Variants in ULK4 observed in about 807,000 individuals in gnomAD.
ULK4 encodes inactive serine/threonine-protein kinase ULK4.
ULK4 carries 133 observed loss-of-function variants against 160.6 expected under a neutral mutation model. The observed-to-expected ratio is 0.83, with a 90% confidence interval of 0.72 to 0.96. ULK4 has a LOEUF of 0.96. Ranked by LOEUF, ULK4 falls within the 40% of genes least tolerant of loss-of-function variation. The probability of loss-of-function intolerance (pLI) is 0.00; values close to 1 mark genes in which losing one functional copy is unlikely to be tolerated. For missense variants in ULK4, 1,580 were observed against 1,499.5 expected, an observed-to-expected ratio of 1.05 and a Z score of -0.89; for synonymous variants, 534 against 539.8, an observed-to-expected ratio of 0.99 and a Z score of 0.15.
At chr3:41,353,231 A>C (rs2080947308) in intron 35 of ULK4, among the ~76,000 whole-genome samples, 1 of 152,242 alleles carries the variant, frequency 6.6e-6, no homozygotes, top group African/African-American at 2.4e-5. Context: ...TAGAACAAGC[A>C]GGAACTGATT....
In ULK4 at chr3:41,271,283, T is replaced by C. The variant is rs1240202398; in HGVS notation, c.3679-21709A>G. Among the ~76,000 whole-genome samples the C allele has an allele frequency of 2.0e-5, 3 of 152,296 alleles. No homozygotes were observed. In the East Asian group the frequency reaches 5.8e-4, roughly 29 times the overall value. ...CTGTCGTCATATGCTACTTTGCATA[T>C]CCTAAAACTTTATATAAATGGAATC... On this transcript the variant is annotated intron_variant, in intron 35 of 36. Transcript: ENST00000301831.
At chr3:41,833,203 T>A (rs2041647746) in intron 18 of ULK4, among the ~76,000 whole-genome samples, 1 of 152,110 alleles carries the variant, frequency 6.6e-6, no homozygotes, top group Non-Finnish European at 1.5e-5. Context: ...CTCTCTTATT[T>A]CCTTGAGCAA....
chr3:41,389,583 G>T (rs151235180), intron 35 of ULK4, among the ~76,000 whole-genome samples: 51 of 152,194 alleles, frequency 3.4e-4, no homozygotes, highest in Middle Eastern at 3.4e-3. Context: ...TAGCATGAAG[G>T]GTTGTTGAAT....
intron 30 of ULK4, among the ~76,000 whole-genome samples, chr3:41,649,833 C>A (rs2125737318): frequency 6.6e-6 from 1 of 152,358 alleles, no homozygotes; most frequent in East Asian, 1.9e-4. Flanking sequence ...CAGGGATAGC[C>A]TGAAGCCTGG....
chr3:41,723,219 A>G (rs543511378), intron 22 of ULK4, among the ~76,000 whole-genome samples: 2 of 152,064 alleles, frequency 1.3e-5, no homozygotes, highest in Non-Finnish European at 2.9e-5. Flanking sequence ...TGAAGGGAAA[A>G]GAGGAATTAT....
intron 27 of ULK4, among the ~76,000 whole-genome samples, chr3:41,694,699 T>C (rs1337974083): frequency 1.3e-5 from 2 of 152,208 alleles, no homozygotes; most frequent in Non-Finnish European, 2.9e-5. Context: ...CCTTAAATCA[T>C]CTCTAGGTGA....
intron 22 of ULK4, among the ~76,000 whole-genome samples, chr3:41,742,819 C>T (rs746242854): frequency 1.7e-4 from 25 of 151,312 alleles, no homozygotes; most frequent in African/African-American, 2.9e-4. Flanking sequence ...ATACAATAAC[C>T]GAAATAAAAA....
chr3:41,645,835 T>C (rs979023488), intron 30 of ULK4, among the ~76,000 whole-genome samples: 10 of 152,192 alleles, frequency 6.6e-5, no homozygotes, highest in African/African-American at 2.4e-4. Context: ...CTAAGTCTCT[T>C]TGTAGGTCAC....
intron 30 of ULK4, among the ~76,000 whole-genome samples, chr3:41,634,103 G>A (rs948040467): frequency 1.3e-5 from 2 of 152,244 alleles, no homozygotes; most frequent in Non-Finnish European, 2.9e-5. Context: ...GAGCTGGGAT[G>A]TGGCTGTTTA....
chr3:41,528,480 C>G (rs1434637183), intron 32 of ULK4, among the ~76,000 whole-genome samples: 2 of 151,994 alleles, frequency 1.3e-5, no homozygotes, highest in African/African-American at 4.8e-5. Flanking sequence ...ATCTCAAAAG[C>G]CTCAAAAAAT....
intron 19 of ULK4, among the ~76,000 whole-genome samples, chr3:41,802,606 C>A (rs1340320049): frequency 6.6e-6 from 1 of 152,064 alleles, no homozygotes; most frequent in Non-Finnish European, 1.5e-5. Context: ...GCCAAGCATA[C>A]CTGTTTAAAC....
chr3:41,259,083 G>GAT (rs911987763), intron 35 of ULK4, among the ~76,000 whole-genome samples: 3 of 144,170 alleles, frequency 2.1e-5, no homozygotes, highest in East Asian at 2.0e-4. Context: ...TACATCTGAT[G>GAT]ATATATATAC....
intron 31 of ULK4, among the ~76,000 whole-genome samples, chr3:41,597,691 C>A (rs1032184175): frequency 6.6e-6 from 1 of 152,118 alleles, no homozygotes; most frequent in East Asian, 1.9e-4. Flanking sequence ...GACAGCACTG[C>A]CCACAGGTAA....
chr3:41,772,807 T>G (rs1047401504), intron 21 of ULK4, among the ~76,000 whole-genome samples: 1 of 152,176 alleles, frequency 6.6e-6, no homozygotes, highest in African/African-American at 2.4e-5. Context: ...TGAACACTGA[T>G]GCAAAAATCC....
intron 31 of ULK4, among the ~76,000 whole-genome samples, chr3:41,578,394 C>T (rs1434532036): frequency 1.3e-5 from 2 of 152,142 alleles, no homozygotes; most frequent in African/African-American, 4.8e-5. Context: ...TTAGACTCTA[C>T]TTAGATAAGA....
intron 35 of ULK4, among the ~76,000 whole-genome samples, chr3:41,286,760 A>G (rs1263362521): frequency 1.3e-5 from 2 of 152,116 alleles, no homozygotes; most frequent in Non-Finnish European, 2.9e-5. Context: ...CCATGCTCAG[A>G]TCTTCCCACA....
intron 17 of ULK4, among the ~76,000 whole-genome samples, chr3:41,846,492 T>C (rs1214099291): frequency 3.3e-5 from 5 of 152,100 alleles, no homozygotes; most frequent in East Asian, 1.9e-4. Context: ...CCTTCTAACA[T>C]TGAAATTACT....
chr3:41,301,566 A>G (rs1471423497), intron 35 of ULK4, among the ~76,000 whole-genome samples: 1 of 152,218 alleles, frequency 6.6e-6, no homozygotes, highest in Non-Finnish European at 1.5e-5. Context: ...ATTATTTTCT[A>G]CAGAGACAGG....
At position 41,335,874 on chromosome 3, in the gene ULK4, T is replaced by C. The variant is rs1383709273; in HGVS notation, c.3678+62205A>G. Among the ~76,000 whole-genome samples, 7 of 152,160 alleles carry C rather than the reference T, an allele frequency of 4.6e-5. No individual in the cohort carries two copies. The East Asian group carries it at 1.3e-3, about 29-fold the overall frequency. On this transcript the variant is annotated intron_variant, in intron 35 of 36. Coordinates refer to ENST00000301831, the MANE Select transcript of ULK4 (RefSeq NM_017886.4). ...TGGAAAGGAACACGTCAACATCAGG[T>C]AACCCAAATAAAAATGCTCTACATT...
Sources: allele counts gnomAD v4.1 joint callset (sites outside exome capture counted in the v4.1 genomes callset), GRCh38; gene constraint gnomAD v4.1.1; transcripts MANE v1.5; gene names NCBI Gene and HGNC (gene_info 2026-07-23, HGNC 2026-07-21).